Variants in RTKN2 observed in about 807,000 individuals in gnomAD.
RTKN2 encodes the protein rhotekin-2.
In RTKN2, 69 loss-of-function variants were observed where a neutral mutation model predicts 71.5. The observed-to-expected ratio is 0.96, with a 90% CI of 0.79 to 1.18. RTKN2 has a LOEUF of 1.18. Ranked by LOEUF, RTKN2 falls within the 50% of genes most tolerant of loss-of-function variation. The pLI is 0.00. For missense variants in RTKN2, 724 were observed against 719.7 expected, an observed-to-expected ratio of 1.01 and a Z score of -0.07; for synonymous variants, 236 against 236.5, an observed-to-expected ratio of 1.00 and a Z score of 0.02.
intron 2 of RTKN2, among the ~76,000 whole-genome samples, chr10:62,253,982 G>A (rs1172567463): frequency 6.6e-6 from 1 of 152,146 alleles, no homozygotes; most frequent in African/African-American, 2.4e-5. Flanking sequence ...CTGATTCTTG[G>A]GGTGGGAACC....
intron 10 of RTKN2, among the ~76,000 whole-genome samples, 184 bp downstream of exon 10, chr10:62,204,663 TATACTATACA>T (rs1455292421): frequency 1.3e-5 from 2 of 152,128 alleles, no homozygotes; most frequent in African/African-American, 4.8e-5. Context: ...AATCCAAACG[TATACTATACA>T]ATAGTCAGGC....
chr10:62,187,223 C>T (rs1428285374), intron 8 of RTKN2, among the ~76,000 whole-genome samples: 1 of 150,182 alleles, frequency 6.7e-6, no homozygotes, highest in Admixed American at 6.6e-5. Flanking sequence ...GAGATGACGG[C>T]AGCTTTGTTC....
At chr10:62,250,882 C>T (rs1158718784) in intron 2 of RTKN2, among the ~76,000 whole-genome samples, 2 of 152,198 alleles carry the variant, frequency 1.3e-5, no homozygotes, top group East Asian at 3.8e-4. Flanking sequence ...CCACCCACCT[C>T]GGCCTCCCAA....
downstream of RTKN2, among the ~76,000 whole-genome samples, chr10:62,191,789 T>A (rs1384767099): frequency 1.3e-5 from 2 of 152,188 alleles, no homozygotes; most frequent in Non-Finnish European, 2.9e-5. Context: ...GATACACTTT[T>A]AGGTATTTCC....
At chr10:62,245,944 T>C in intron 3 of RTKN2, 55 bp downstream of exon 3, 2 of 1,090,504 alleles carry the variant, frequency 1.8e-6, no homozygotes. Context: ...AAATCCACCA[T>C]GTAGTTACGT....
intron 2 of RTKN2, among the ~76,000 whole-genome samples, chr10:62,258,599 CTTGTT>C (rs1218063774): frequency 2.0e-5 from 3 of 152,124 alleles, no homozygotes; most frequent in Non-Finnish European, 2.9e-5. Context: ...TCCCCAAATA[CTTGTT>C]TTTATCATAC....
chr10:62,241,759 C>A (rs1242891656), intron 3 of RTKN2, among the ~76,000 whole-genome samples: 1 of 152,024 alleles, frequency 6.6e-6, no homozygotes, highest in African/African-American at 2.4e-5. Flanking sequence ...AGTGCAGTGG[C>A]ACAATCTCAG....
In RTKN2 at chr10:62,194,343, T is replaced by G; in HGVS notation, c.*3565A>C. 2 of 984,654 alleles carry G rather than the reference T, an allele frequency of 2.0e-6. No individual in the cohort carries two copies. The highest frequency in any genetic ancestry group is 3.5e-5 in the African/African-American group (2 of 57,344). 61.0% of individuals were successfully genotyped at this position (984,654 alleles called of 1,614,324 possible). On this transcript the variant is annotated 3_prime_UTR_variant, in exon 12 of 12. Transcript: ENST00000373789. ...AGTTGCACACAAACATGTAAACATA[T>G]GTAAACATTTAAAAATAGTGATGCC... is the stretch of plus-strand genomic sequence containing the variant.
intron 1 of RTKN2, among the ~76,000 whole-genome samples, chr10:62,265,784 T>C (rs1842858544): frequency 6.6e-6 from 1 of 152,196 alleles, no homozygotes; most frequent in Admixed American, 6.5e-5. Context: ...TAAGGGTTCA[T>C]GTCTAGTGCT....
intron 6 of RTKN2, among the ~76,000 whole-genome samples, chr10:62,227,455 G>A (rs888887369): frequency 3.3e-5 from 5 of 152,130 alleles, no homozygotes; most frequent in African/African-American, 9.7e-5. Context: ...AGGCTAAGGT[G>A]AGTACATGCT....
At chr10:62,253,010 T>G (rs1404121758) in intron 2 of RTKN2, among the ~76,000 whole-genome samples, 2 of 152,084 alleles carry the variant, frequency 1.3e-5, no homozygotes, top group South Asian at 2.1e-4. Context: ...AAACCAGATA[T>G]ATCAGTTATA....
At chr10:62,239,819 T>C (rs1842336853) in intron 4 of RTKN2, 54 bp from the exon 5 acceptor site, 1 of 850,212 alleles carries the variant, frequency 1.2e-6, no homozygotes, top group African/African-American at 1.7e-5. Context: ...AAATCATTGT[T>C]AAAATCTACT....
intron 9 of RTKN2, among the ~76,000 whole-genome samples, chr10:62,209,114 C>T (rs369853720): frequency 6.6e-6 from 1 of 151,922 alleles, no homozygotes. Context: ...ACTAAAAATA[C>T]AAAATTAGCT....
intron 2 of RTKN2, among the ~76,000 whole-genome samples, chr10:62,247,571 CAT>C (rs1253522259): frequency 6.6e-6 from 1 of 151,814 alleles, no homozygotes; most frequent in Non-Finnish European, 1.5e-5. Context: ...TTCATTGAAT[CAT>C]AAATTTTAAA....
At chr10:62,206,006 C>T (rs1841541467) in intron 9 of RTKN2, among the ~76,000 whole-genome samples, 1 of 152,102 alleles carries the variant, frequency 6.6e-6, no homozygotes, top group South Asian at 2.1e-4. Context: ...TTTCTAAAAA[C>T]CACAATAAGT....
intron 7 of RTKN2, among the ~76,000 whole-genome samples, chr10:62,220,556 A>G (rs1564510001): frequency 6.6e-6 from 1 of 152,202 alleles, no homozygotes; most frequent in Non-Finnish European, 1.5e-5. Context: ...GTACATCATA[A>G]AGAGTAAGAA....
intron 9 of RTKN2, among the ~76,000 whole-genome samples, chr10:62,212,405 A>G (rs966178019): frequency 6.6e-6 from 1 of 151,782 alleles, no homozygotes; most frequent in African/African-American, 2.4e-5. Flanking sequence ...AGGAAAAAAA[A>G]AGAATATACT....
chr10:62,217,385 T>A, intron 8 of RTKN2, 136 bp from the exon 9 acceptor site: 1 of 648,008 alleles, frequency 1.5e-6, no homozygotes, highest in East Asian at 3.1e-5. Flanking sequence ...ATTAATTTGA[T>A]ATACAAAAGG....
rs149511912 is a variant in RTKN2 at position 62,201,945 on chromosome 10, A to G, written c.1187-2084T>C. ...GTATGTTTTGTTCACATAACAATTT[A>G]TATATTGAAGATGTTTCCTAAAATA... On this transcript the variant is annotated intron_variant, in intron 10 of 11. Coordinates refer to ENST00000373789, the MANE Select transcript of RTKN2 (RefSeq NM_145307.4). 3.3e-5 allele frequency among the ~76,000 whole-genome samples: 5 copies of G among 152,326 alleles called. No individual in the cohort carries two copies. The East Asian group carries it at 9.6e-4, about 29-fold the overall frequency.
Sources: allele counts gnomAD v4.1 joint callset (sites outside exome capture counted in the v4.1 genomes callset), GRCh38; gene constraint gnomAD v4.1.1; transcripts MANE v1.5; gene names NCBI Gene and HGNC (gene_info 2026-07-23, HGNC 2026-07-21).